Variants in ARID4B observed in about 807,000 individuals in gnomAD.
The protein encoded by ARID4B is AT-rich interaction domain 4B.
ARID4B carries 26 observed loss-of-function variants against 147.5 expected under a neutral mutation model. That is an observed-to-expected ratio of 0.18 (90% confidence interval 0.13 to 0.24). The LOEUF is 0.24. ARID4B is among the 10% of genes least tolerant of loss of function. The pLI is 1.00. For missense variants in ARID4B, 1,179 were observed against 1,511.5 expected (o/e 0.78, Z 3.65); for synonymous variants, 512 against 507.9 (o/e 1.01, Z -0.11).
Position 235,175,408 on chromosome 1 carries a change from G to C in ARID4B, c.3449-9C>G. 2 of 1,591,110 alleles carry C rather than the reference G, an allele frequency of 1.3e-6. No individual in the cohort carries two copies. Among genetic ancestry groups the C allele is most frequent in the Middle Eastern group, 1.7e-4 (1 of 6,010 alleles). On this transcript the variant is annotated splice_polypyrimidine_tract_variant and intron_variant, in intron 21 of 23. Transcript: ENST00000264183. ...ACTATCACTACTATTTGCTGAAAGAGAAAGAAAAGATTTAATAAACAAAAA... is the reference window on the plus strand; with the variant it reads ...ACTATCACTACTATTTGCTGAAAGACAAAGAAAAGATTTAATAAACAAAAA...
At position 235,273,642 on chromosome 1, in the gene ARID4B, C is replaced by G. The variant is rs193131403; in HGVS notation, c.7-12890G>C. Among the ~76,000 whole-genome samples, 382 of 152,258 alleles carry G rather than the reference C, an allele frequency of 2.5e-3. 2 individuals carry two copies. Among genetic ancestry groups the G allele is most frequent in the African/African-American group, 8.9e-3 (368 of 41,544 alleles). On this transcript the variant is annotated intron_variant, in intron 2 of 23. Transcript: ENST00000264183. The stretch of plus-strand genomic sequence containing the variant: ...AGTAGCTAAGAATTATTTATTCTTA[C>G]GGAACTGTACAAGTATAAAACCAAA...
intron 2 of ARID4B, among the ~76,000 whole-genome samples, chr1:235,276,280 G>A (rs1671310534): frequency 6.7e-6 from 1 of 149,834 alleles, no homozygotes; most frequent in South Asian, 2.1e-4. Flanking sequence ...GCAAACTAAC[G>A]CTAATTAGTA....
In ARID4B at chr1:235,249,496, G is replaced by A. The variant is rs748071246; in HGVS notation, c.355-2985C>T. ...GGCTAAAACCAGTGGCTTCAGTGTTGGAATTTAAACTGACTGAGGCTGGGC... is the reference window on the plus strand; with the variant it reads ...GGCTAAAACCAGTGGCTTCAGTGTTAGAATTTAAACTGACTGAGGCTGGGC... On this transcript the variant is annotated intron_variant, in intron 6 of 23. Transcript: ENST00000264183. Among the ~76,000 whole-genome samples the A allele has an allele frequency of 3.2e-4, 49 of 151,216 alleles. No individual in the cohort carries two copies. The Middle Eastern group carries it at 0.011, about 33-fold the overall frequency.
intron 9 of ARID4B, among the ~76,000 whole-genome samples, chr1:235,233,810 G>A (rs945930915): frequency 2.6e-5 from 4 of 152,182 alleles, no homozygotes; most frequent in African/African-American, 4.8e-5. Flanking sequence ...GGCCGGGCGC[G>A]ATGGCTCACG....
At chr1:235,317,361 A>C (rs916061794) in intron 2 of ARID4B, among the ~76,000 whole-genome samples, 3 of 152,188 alleles carry the variant, frequency 2.0e-5, no homozygotes, top group Non-Finnish European at 2.9e-5. Flanking sequence ...CTCTCCTCTG[A>C]AGCCTACACT....
intron 2 of ARID4B, among the ~76,000 whole-genome samples, chr1:235,321,423 G>C (rs1674826119): frequency 6.6e-6 from 1 of 152,120 alleles, no homozygotes; most frequent in Non-Finnish European, 1.5e-5. Context: ...ATGACAGCAT[G>C]CTTCAAATGA....
chr1:235,197,510 C>T (rs1665584599), intron 17 of ARID4B, among the ~76,000 whole-genome samples: 2 of 152,162 alleles, frequency 1.3e-5, no homozygotes, highest in Admixed American at 1.3e-4. Context: ...GAGGATTCAT[C>T]CCCATGCAAG....
chr1:235,182,897 C>A (rs546094459), intron 19 of ARID4B, 104 bp from the exon 20 acceptor site: 11 of 1,149,312 alleles, frequency 9.6e-6, no homozygotes, highest in Non-Finnish European at 1.2e-5. Flanking sequence ...TACAGCCACC[C>A]GAGGTTGCTG....
intron 16 of ARID4B, 142 bp downstream of exon 16, chr1:235,219,651 G>A (rs549569363): frequency 1.6e-6 from 1 of 632,466 alleles, no homozygotes; most frequent in East Asian, 3.3e-5. Flanking sequence ...AGAAGTGAAT[G>A]CTATTTAATT....
At chr1:235,235,535 G>T (rs112185170) in intron 8 of ARID4B, among the ~76,000 whole-genome samples, 159 of 152,324 alleles carry the variant, frequency 1.0e-3, no homozygotes, top group African/African-American at 3.6e-3. Context: ...TTCTGCCACA[G>T]AACGACAATA....
intron 2 of ARID4B, among the ~76,000 whole-genome samples, chr1:235,323,971 C>T (rs1333723466): frequency 6.6e-6 from 1 of 150,710 alleles, no homozygotes; most frequent in Non-Finnish European, 1.5e-5. Context: ...AGTGGCGCAA[C>T]CTCAGCTCAC....
chr1:235,191,971 AG>A (rs1165694136), intron 19 of ARID4B, among the ~76,000 whole-genome samples: 1 of 152,058 alleles, frequency 6.6e-6, no homozygotes, highest in Non-Finnish European at 1.5e-5. Flanking sequence ...CCAGCTACTT[AG>A]GAGGCTGAGA....
chr1:235,306,517 T>C (rs934493550), intron 2 of ARID4B, among the ~76,000 whole-genome samples: 1 of 144,932 alleles, frequency 6.9e-6, no homozygotes, highest in Non-Finnish European at 1.5e-5. Flanking sequence ...AAAAAAAAAA[T>C]TGGACTGTGC....
chr1:235,246,665 C>CTAGT (rs939293354), intron 6 of ARID4B, among the ~76,000 whole-genome samples, 154 bp from the exon 7 acceptor site: 5 of 151,900 alleles, frequency 3.3e-5, no homozygotes, highest in Admixed American at 2.0e-4. Flanking sequence ...ATAGAAAATT[C>CTAGT]TAGTTTCAAA....
chr1:235,293,993 A>C (rs1228630894), intron 2 of ARID4B, among the ~76,000 whole-genome samples: 1 of 152,192 alleles, frequency 6.6e-6, no homozygotes, highest in East Asian at 1.9e-4. Flanking sequence ...GTGGACTACA[A>C]GGAGTAAAAC....
chr1:235,168,441 TA>T lies in ARID4B; in HGVS notation c.*83del, dbSNP rs1663090350. On this transcript the variant is annotated 3_prime_UTR_variant, in exon 24 of 24. Coordinates refer to ENST00000264183, the MANE Select transcript of ARID4B (RefSeq NM_016374.6). ...TAAATATAAAATAGTGCTTGTCTGA[TA>T]TTTTTTTGTGCCACTGTGCAGTATA... is the stretch of plus-strand genomic sequence containing the variant. The T allele has an allele frequency of 7.7e-6, 11 of 1,426,446 alleles. No individual in the cohort carries two copies. Among genetic ancestry groups the T allele is most frequent in the Admixed American group, 4.7e-5 (2 of 42,310 alleles). The allele number at this position is 1,426,446 out of a possible 1,614,324, so 88.4% of individuals were successfully genotyped here. A position where few individuals can be genotyped will look rare whatever the true frequency, so the allele number is the denominator to read the frequency against.
intron 16 of ARID4B, among the ~76,000 whole-genome samples, chr1:235,216,650 A>G (rs2103015565): frequency 6.6e-6 from 1 of 152,270 alleles, no homozygotes; most frequent in African/African-American, 2.4e-5. Context: ...GCCTGAGATT[A>G]AAATATTAAC....
chr1:235,222,958 C>T (rs2103029407), intron 13 of ARID4B, among the ~76,000 whole-genome samples: 1 of 152,128 alleles, frequency 6.6e-6, no homozygotes, highest in East Asian at 1.9e-4. Flanking sequence ...GTTGGGGTTG[C>T]AGGCATGAGC....
chr1:235,256,272 T>A (rs1357224975), intron 4 of ARID4B, among the ~76,000 whole-genome samples: 1 of 151,610 alleles, frequency 6.6e-6, no homozygotes, highest in East Asian at 1.9e-4. Flanking sequence ...AATACCTAAG[T>A]ACTATTATAA....
Sources: gnomAD v4.1 joint callset for allele counts (sites outside exome capture counted in the v4.1 genomes callset) on GRCh38, gnomAD v4.1.1 for gene constraint, MANE v1.5 for transcripts, NCBI Gene and HGNC (gene_info 2026-07-23, HGNC 2026-07-21) for gene names.